The following CMIP variants were observed in gnomAD, a reference collection of about 807,000 sequenced individuals.
CMIP encodes the protein C-Maf-inducing protein.
Under a neutral mutation model 97.3 loss-of-function variants are expected in CMIP, and 13 were observed. That is an observed-to-expected ratio of 0.13 (90% CI 0.09 to 0.21). The LOEUF is 0.21. CMIP is among the 10% of genes least tolerant of loss of function. CMIP has a pLI of 1.00. For synonymous variants in CMIP, 538 were observed against 436.3 expected, an observed-to-expected ratio of 1.23 and a Z score of -2.91; for missense variants, 847 against 1,024.9, an observed-to-expected ratio of 0.83 and a Z score of 2.37.
At chr16:81,493,554 G>A (rs1311466142) in intron 1 of CMIP, among the ~76,000 whole-genome samples, 1 of 152,236 alleles carries the variant, frequency 6.6e-6, no homozygotes, top group Non-Finnish European at 1.5e-5. Flanking sequence ...AGGGCATCAG[G>A]ACAGCAGCCA....
intron 7 of CMIP, chr16:81,666,307 G>A (rs1158389676): frequency 6.6e-6 from 1 of 152,178 alleles, no homozygotes; most frequent in Non-Finnish European, 1.5e-5. Context: ...ACACCCCCGG[G>A]ACATACTTGG....
At chr16:81,612,908 G>T (rs1284478964) in intron 2 of CMIP, among the ~76,000 whole-genome samples, 1 of 152,170 alleles carries the variant, frequency 6.6e-6, no homozygotes, top group Non-Finnish European at 1.5e-5. Context: ...CATGCCTTAT[G>T]TTCCCACTGG....
At chr16:81,583,051 C>G (rs1351142544) in intron 1 of CMIP, among the ~76,000 whole-genome samples, 1 of 152,188 alleles carries the variant, frequency 6.6e-6, no homozygotes, top group Non-Finnish European at 1.5e-5. Context: ...AGGAGTGTTT[C>G]TATCTAAAAT....
intron 1 of CMIP, among the ~76,000 whole-genome samples, chr16:81,593,498 G>C (rs114002742): frequency 2.6e-5 from 4 of 152,176 alleles, no homozygotes; most frequent in Non-Finnish European, 5.9e-5. Flanking sequence ...GGAGCTGGTC[G>C]GTCACCCCAT....
chr16:81,707,932 C>T (rs903406394), intron 20 of CMIP, among the ~76,000 whole-genome samples: 6 of 152,234 alleles, frequency 3.9e-5, no homozygotes, highest in Admixed American at 2.0e-4. Flanking sequence ...GGGAATCCCC[C>T]GGCAGCCCTT....
intron 1 of CMIP, among the ~76,000 whole-genome samples, chr16:81,469,260 A>T (rs926161574): frequency 3.9e-5 from 6 of 152,230 alleles, no homozygotes; most frequent in Non-Finnish European, 8.8e-5. Flanking sequence ...GAAAACTGGG[A>T]TCAGCCCAGG....
chr16:81,639,892 T>C (rs1001728774), intron 3 of CMIP, among the ~76,000 whole-genome samples: 3 of 152,102 alleles, frequency 2.0e-5, no homozygotes, highest in Non-Finnish European at 4.4e-5. Context: ...ATAGAGTCAT[T>C]TGGGGCACAC....
chr16:81,657,807 C>A lies in CMIP; in HGVS notation c.672C>A (p.Asn224Lys), dbSNP rs1242401184. The change falls in exon 5 of 21, where the codon AAC (asparagine) becomes AAA (lysine). Residue 224 changes from asparagine to lysine, a missense_variant. By Grantham distance (94) the Asn-to-Lys change is moderately conservative. This residue lies in a region of CMIP where 285 missense variants were observed against 392.2 expected (regional missense o/e 0.73). Coordinates refer to ENST00000537098, the MANE Select transcript of CMIP (RefSeq NM_198390.3). ...NTNLTTQEHE[N>K]IIVAIAPLLE... is the part of the protein sequence containing the mutation. ...ACTTGACCACCCAGGAGCATGAAAA[C>A]ATCATTGTGGTAAGTTCCTCTCGAA... is the stretch of plus-strand genomic sequence containing the variant. The A allele has an allele frequency of 1.2e-6, 2 of 1,607,738 alleles. No individual in the cohort carries two copies. Among genetic ancestry groups the A allele is most frequent in the Non-Finnish European group, 1.7e-6 (2 of 1,177,126 alleles).
At chr16:81,446,329 T>C (rs906319738) in intron 1 of CMIP, among the ~76,000 whole-genome samples, 20 of 152,004 alleles carry the variant, frequency 1.3e-4, no homozygotes, top group African/African-American at 3.9e-4. Context: ...CTGGGTCAGC[T>C]GGATGAGTCG....
intron 6 of CMIP, among the ~76,000 whole-genome samples, chr16:81,662,036 C>T (rs1224689599): frequency 6.6e-6 from 1 of 152,166 alleles, no homozygotes; most frequent in Non-Finnish European, 1.5e-5. Context: ...CACACAGGCC[C>T]CGGGCTCCTC....
chr16:81,687,143 C>A (rs1328536215), intron 10 of CMIP, among the ~76,000 whole-genome samples: 2 of 152,144 alleles, frequency 1.3e-5, no homozygotes, highest in Admixed American at 6.5e-5. Flanking sequence ...GGTCACAGGC[C>A]CCAGGCTCTG....
At chr16:81,629,723 G>A (rs997267147) in intron 3 of CMIP, among the ~76,000 whole-genome samples, 1 of 152,220 alleles carries the variant, frequency 6.6e-6, no homozygotes, top group Non-Finnish European at 1.5e-5. Context: ...CCAAGGCATG[G>A]CAGCTCAGAC....
At chr16:81,589,893 A>G (rs765035577) in intron 1 of CMIP, among the ~76,000 whole-genome samples, 4 of 152,196 alleles carry the variant, frequency 2.6e-5, no homozygotes, top group Non-Finnish European at 4.4e-5. Context: ...GTGTACCTCA[A>G]TGGCGTGTGT....
At chr16:81,457,397 A>G (rs1005027487) in intron 1 of CMIP, among the ~76,000 whole-genome samples, 1 of 152,150 alleles carries the variant, frequency 6.6e-6, no homozygotes, top group Admixed American at 6.5e-5. Flanking sequence ...ATCCTCCCAG[A>G]ATCCCACCAC....
rs147976309 is a variant in CMIP at position 81,566,646 on chromosome 16, C to G, written c.301-40921C>G. Among the ~76,000 whole-genome samples, 326 of 152,312 alleles carry G rather than the reference C, an allele frequency of 2.1e-3. 2 individuals are homozygous for G. Among genetic ancestry groups the G allele is most frequent in the African/African-American group, 7.4e-3 (309 of 41,562 alleles). On this transcript the variant is annotated intron_variant, in intron 1 of 20. Transcript: ENST00000537098. ...CTCCTAGGACCCAATGATTCTACTCCCAATTCTGTTCCCAAGAGAACTGAG... is the reference window on the plus strand; with the variant it reads ...CTCCTAGGACCCAATGATTCTACTCGCAATTCTGTTCCCAAGAGAACTGAG...
intron 1 of CMIP, among the ~76,000 whole-genome samples, chr16:81,461,729 A>G (rs1036160212): frequency 2.0e-5 from 3 of 152,236 alleles, no homozygotes; most frequent in East Asian, 3.8e-4. Context: ...CTGGGTTTGC[A>G]AAGCAGTGCC....
At chr16:81,448,104 C>T (rs1905974123) in intron 1 of CMIP, among the ~76,000 whole-genome samples, 1 of 152,250 alleles carries the variant, frequency 6.6e-6, no homozygotes, top group Non-Finnish European at 1.5e-5. Context: ...TGTGGCTTCG[C>T]AGCAGCCGCT....
chr16:81,530,568 C>G (rs887355300), intron 1 of CMIP, among the ~76,000 whole-genome samples: 1 of 152,146 alleles, frequency 6.6e-6, no homozygotes, highest in Non-Finnish European at 1.5e-5. Flanking sequence ...AGTCTCTTGC[C>G]TCTGCTCACA....
At chr16:81,709,011 C>T (rs187706725) in intron 20 of CMIP, among the ~76,000 whole-genome samples, 13 of 152,192 alleles carry the variant, frequency 8.5e-5, no homozygotes, top group Non-Finnish European at 1.6e-4. Flanking sequence ...AGGCAGCTAC[C>T]TCTCTGTATA....
Sources: gnomAD v4.1 joint callset for allele counts (sites outside exome capture counted in the v4.1 genomes callset) on GRCh38, gnomAD v4.1.1 for gene constraint, gnomAD v4.1.1 regional missense constraint, MANE v1.5 for transcripts, NCBI Gene and HGNC (gene_info 2026-07-23, HGNC 2026-07-21) for gene names.